The following PELI2 variants were observed in gnomAD, a reference collection of about 807,000 sequenced individuals.
PELI2 encodes pellino E3 ubiquitin protein ligase family member 2.
PELI2 carries 23 observed loss-of-function variants against 42.3 expected under a neutral mutation model. The observed-to-expected ratio is 0.54, with a 90% confidence interval of 0.39 to 0.77. The LOEUF (loss-of-function observed/expected upper bound fraction) is 0.77, where lower values mean the gene tolerates loss of function less well. Ranked by LOEUF, PELI2 falls within the 30% of genes least tolerant of loss-of-function variation. The pLI, the probability that PELI2 is intolerant of heterozygous loss-of-function variation, is 0.00. For missense variants in PELI2, 463 were observed against 553.2 expected (o/e 0.84, Z 1.64); for synonymous variants, 245 against 212.2 (o/e 1.15, Z -1.34).
chr14:56,272,940 T>A (rs1192153031), intron 2 of PELI2, among the ~76,000 whole-genome samples: 1 of 152,208 alleles, frequency 6.6e-6, no homozygotes, highest in Non-Finnish European at 1.5e-5. Context: ...TAAGATTTTT[T>A]AAAAAGTGCT....
chr14:56,292,806 A>C, intron 5 of PELI2: 1 of 963,738 alleles, frequency 1.0e-6, no homozygotes. Context: ...AACTCCCTGA[A>C]TAAATAGGTG....
intron 2 of PELI2, among the ~76,000 whole-genome samples, chr14:56,205,044 AAAAG>A (rs931072771): frequency 1.3e-4 from 19 of 151,778 alleles, no homozygotes; most frequent in East Asian, 1.2e-3. Context: ...AAAAAAAAAA[AAAAG>A]AAAGAAAGTG....
chr14:56,272,135 A>C (rs888854869), intron 2 of PELI2, among the ~76,000 whole-genome samples: 1 of 152,212 alleles, frequency 6.6e-6, no homozygotes, highest in African/African-American at 2.4e-5. Context: ...GCTCATTTCA[A>C]AAACATTCAT....
rs1566685734 is a variant in PELI2, at chr14:56,288,396, C to CTA, written c.310-39_310-38dup. The CTA allele has an allele frequency of 6.7e-7, 1 of 1,484,936 alleles. No individual in the cohort carries two copies. The highest frequency in any genetic ancestry group is 9.4e-7 in the Non-Finnish European group (1 of 1,067,090). 92.0% of individuals were successfully genotyped at this position (1,484,936 alleles called of 1,614,324 possible). A position where few individuals can be genotyped will look rare whatever the true frequency, so the allele number is the denominator to read the frequency against. ...CTTGTGAATAAAATACGGCACCCTG[C>CTA]TATTTTCCAAGTGAATCACGAGTAC... On this transcript the variant is annotated intron_variant, in intron 3 of 5. Coordinates refer to ENST00000267460, the MANE Select transcript of PELI2 (RefSeq NM_021255.3). The surrounding 1 kb of genome is among the most constrained non-coding windows in gnomAD (Gnocchi z 4.6).
chr14:56,274,610 G>A (rs1287210868), intron 2 of PELI2, among the ~76,000 whole-genome samples: 1 of 152,126 alleles, frequency 6.6e-6, no homozygotes, highest in Non-Finnish European at 1.5e-5. Context: ...AACCATGTTT[G>A]TTTTAGAGTC....
chr14:56,178,611 C>A, intron 2 of PELI2, 147 bp downstream of exon 2: 1 of 908,074 alleles, frequency 1.1e-6, no homozygotes, highest in South Asian at 1.7e-5. Context: ...TTGTGAGGGG[C>A]TGTGCTGTGC....
intron 1 of PELI2, among the ~76,000 whole-genome samples, chr14:56,147,374 T>C (rs1884167075): frequency 6.6e-6 from 1 of 152,184 alleles, no homozygotes; most frequent in South Asian, 2.1e-4. Flanking sequence ...GTTTATTGTA[T>C]TACTGGCAAC....
Position 56,263,124 on chromosome 14 carries a change from T to C in PELI2, c.208-16552T>C, listed in dbSNP as rs564050016. ...GGCGCCTGCCACCATGCCTGGCTAA[T>C]TTTTTTTGTACTTTATAGTAGAGAC... On this transcript the variant is annotated intron_variant, in intron 2 of 5. Transcript: ENST00000267460. 5.9e-5 allele frequency among the ~76,000 whole-genome samples: 9 copies of C among 151,924 alleles called. No individual in the cohort carries two copies. In the South Asian group the frequency reaches 1.9e-3, roughly 32 times the overall value.
rs533758006 is a variant in PELI2, at chr14:56,236,247, C to T, written c.208-43429C>T. On this transcript the variant is annotated intron_variant, in intron 2 of 5. Coordinates refer to ENST00000267460, the MANE Select transcript of PELI2 (RefSeq NM_021255.3). ...GCACGTGTCGAGAGGTGTGTATATA[C>T]TGGTACCCACATAGCGTTATTCTAG... Among the ~76,000 whole-genome samples, 17 of 152,274 alleles carry T rather than the reference C, an allele frequency of 1.1e-4. No individual in the cohort carries two copies. In the South Asian group the frequency reaches 3.5e-3, roughly 32 times the overall value.
chr14:56,279,186 G>A (rs1170023386), intron 2 of PELI2, among the ~76,000 whole-genome samples: 3 of 152,170 alleles, frequency 2.0e-5, no homozygotes, highest in Middle Eastern at 6.8e-3. Context: ...TGGCTAGGAC[G>A]GTGTATTATG....
intron 5 of PELI2, 95 bp from the exon 6 acceptor site, chr14:56,296,505 T>G (rs1321691764): frequency 2.4e-6 from 2 of 841,094 alleles, no homozygotes; most frequent in African/African-American, 1.7e-5. Flanking sequence ...CTGTGTTATC[T>G]TCAAATATTT....
chr14:56,119,933 A>T (rs1883002098), intron 1 of PELI2: 1 of 662,676 alleles, frequency 1.5e-6, no homozygotes, highest in Non-Finnish European at 1.9e-6. Flanking sequence ...ACGTGTTTTG[A>T]TAAGTGAGTG....
intron 1 of PELI2, 84 bp downstream of exon 1, chr14:56,118,821 G>T (rs1199261782): frequency 3.2e-6 from 3 of 930,348 alleles, no homozygotes; most frequent in Non-Finnish European, 4.5e-6. Context: ...GGGTGGCTCG[G>T]TGCTCTTTGG....
intron 1 of PELI2, among the ~76,000 whole-genome samples, chr14:56,176,589 A>T (rs1262880490): frequency 6.6e-6 from 1 of 152,154 alleles, no homozygotes; most frequent in African/African-American, 2.4e-5. Context: ...GTTCCATGGG[A>T]CTGGATGGGC....
chr14:56,123,863 G>A (rs1363273729), intron 1 of PELI2, among the ~76,000 whole-genome samples: 1 of 152,214 alleles, frequency 6.6e-6, no homozygotes, highest in East Asian at 1.9e-4. Context: ...TCACATTGGA[G>A]CACTGGTTTT....
chr14:56,289,501 T>TA (rs1240600534), intron 4 of PELI2, among the ~76,000 whole-genome samples: 1 of 152,174 alleles, frequency 6.6e-6, no homozygotes, highest in Non-Finnish European at 1.5e-5. Flanking sequence ...TCCAAGAAGA[T>TA]ATCATGTGTC....
intron 2 of PELI2, among the ~76,000 whole-genome samples, chr14:56,232,765 C>G (rs12589206): frequency 1.8e-5 from 2 of 109,582 alleles, no homozygotes; most frequent in Non-Finnish European, 4.2e-5. Flanking sequence ...CCAGGGCAGT[C>G]AGGCAGGAGA....
intron 1 of PELI2, among the ~76,000 whole-genome samples, chr14:56,146,016 G>A (rs1312353743): frequency 6.6e-6 from 1 of 152,198 alleles, no homozygotes; most frequent in Non-Finnish European, 1.5e-5. Flanking sequence ...CAAATTGACT[G>A]TATTAATGTG....
intron 1 of PELI2, among the ~76,000 whole-genome samples, chr14:56,175,828 A>G (rs1885356949): frequency 6.6e-6 from 1 of 152,268 alleles, no homozygotes; most frequent in Non-Finnish European, 1.5e-5. Context: ...AATTTTGTCA[A>G]GAATGGCTGG....
Sources: allele counts gnomAD v4.1 joint callset (sites outside exome capture counted in the v4.1 genomes callset), GRCh38; gene constraint gnomAD v4.1.1; non-coding constraint Gnocchi (gnomAD v3.1); transcripts MANE v1.5; gene names NCBI Gene and HGNC (gene_info 2026-07-23, HGNC 2026-07-21).